The following ACSM5 variants were observed in gnomAD, a reference collection of about 807,000 sequenced individuals.
ACSM5 encodes the protein acyl-coenzyme A synthetase ACSM5, mitochondrial.
ACSM5 carries 56 observed loss-of-function variants against 71.6 expected under a neutral mutation model. The observed-to-expected ratio is 0.78, with a 90% CI of 0.63 to 0.98. The LOEUF is 0.98. Ranked by LOEUF, ACSM5 falls within the 50% of genes least tolerant of loss-of-function variation. The probability of loss-of-function intolerance (pLI) is 0.00; values close to 1 mark genes in which losing one functional copy is unlikely to be tolerated. For missense variants in ACSM5, 723 were observed against 726.0 expected, an observed-to-expected ratio of 1.00 and a Z score of 0.05; for synonymous variants, 285 against 281.5, an observed-to-expected ratio of 1.01 and a Z score of -0.12.
At position 20,425,919 on chromosome 16, in the gene ACSM5, G is replaced by T. The variant is rs139410711; in HGVS notation, c.921+1850G>T. ...GTATGTGCAAGTATCTTTTTCATATGACTTCTTTTCTTCTGGATAGATGCC... is the reference window on the plus strand; with the variant it reads ...GTATGTGCAAGTATCTTTTTCATATTACTTCTTTTCTTCTGGATAGATGCC... On this transcript the variant is annotated intron_variant, in intron 6 of 13. Coordinates refer to ENST00000331849, the MANE Select transcript of ACSM5 (RefSeq NM_017888.3). 5.1e-3 allele frequency among the ~76,000 whole-genome samples: 782 copies of T among 152,198 alleles called. 10 individuals are homozygous for T. Among genetic ancestry groups the T allele is most frequent in the African/African-American group, 0.017 (696 of 41,518 alleles).
chr16:20,411,356 G>A (rs1966847256), intron 1 of ACSM5, 114 bp from the exon 2 acceptor site: 1 of 797,096 alleles, frequency 1.3e-6, no homozygotes, highest in East Asian at 2.7e-5. Flanking sequence ...TATTCTACAA[G>A]TCAGTAAGGA....
chr16:20,412,211 G>A (rs1966849167), intron 2 of ACSM5: 1 of 158,086 alleles, frequency 6.3e-6, no homozygotes, highest in Admixed American at 6.1e-5. Context: ...AAATTACCCA[G>A]GCATGGTGGC....
chr16:20,419,517 C>A, intron 4 of ACSM5, 82 bp downstream of exon 4: 1 of 1,366,800 alleles, frequency 7.3e-7, no homozygotes. Context: ...ATTGCTGATT[C>A]CACACATAGA....
intron 5 of ACSM5, among the ~76,000 whole-genome samples, chr16:20,421,642 T>C (rs779976198): frequency 0.045 from 6,422 of 141,350 alleles, 291 homozygotes; most frequent in South Asian, 0.06. Flanking sequence ...TATATATATA[T>C]ATATATATAT....
intron 10 of ACSM5, among the ~76,000 whole-genome samples, chr16:20,434,185 T>G (rs1420627426): frequency 6.6e-6 from 1 of 152,222 alleles, no homozygotes; most frequent in Non-Finnish European, 1.5e-5. Flanking sequence ...ATAAAATCAT[T>G]TTCAACTTTA....
chr16:20,424,733 C>T (rs1966944326), intron 6 of ACSM5, among the ~76,000 whole-genome samples: 1 of 152,212 alleles, frequency 6.6e-6, no homozygotes, highest in Non-Finnish European at 1.5e-5. Flanking sequence ...GCTTAATCTC[C>T]TGAGCTGCAG....
intron 5 of ACSM5, among the ~76,000 whole-genome samples, chr16:20,421,662 C>T (rs1966885800): frequency 7.1e-6 from 1 of 140,588 alleles, no homozygotes; most frequent in Non-Finnish European, 1.5e-5. Flanking sequence ...TATATACACA[C>T]ACACATATAT....
chr16:20,413,816 C>T (rs1271554192), intron 2 of ACSM5, among the ~76,000 whole-genome samples: 1 of 152,112 alleles, frequency 6.6e-6, no homozygotes, highest in East Asian at 1.9e-4. Flanking sequence ...AATTGCCTGG[C>T]TGAGTGCTAA....
In ACSM5 at chr16:20,421,382, G is replaced by A. The variant is rs1320687156; in HGVS notation, c.748G>A (p.Gly250Ser). ...GCACTCCCAGAGCAGCTACGGACTGGGTTTTGTGGCCAGCGGAAGGTACCA... is the reference window on the plus strand; with the variant it reads ...GCACTCCCAGAGCAGCTACGGACTGAGTTTTGTGGCCAGCGGAAGGTACCA... ...VEHSQSSYGL[G>S]FVASGRRWVA... The change falls in exon 5 of 14, where the codon GGT (glycine) becomes AGT (serine). Residue 250 changes from glycine (G) to serine (S), a missense_variant. By Grantham distance (56) the Gly-to-Ser change is moderately conservative. Coordinates refer to ENST00000331849, the MANE Select transcript of ACSM5 (RefSeq NM_017888.3). 1 of 1,598,556 alleles carries A rather than the reference G, an allele frequency of 6.3e-7. No homozygotes were observed. Among genetic ancestry groups the A allele is most frequent in the African/African-American group, 1.3e-5 (1 of 74,416 alleles).
intron 3 of ACSM5, among the ~76,000 whole-genome samples, chr16:20,418,548 G>A (rs1433428315): frequency 2.0e-5 from 3 of 152,208 alleles, no homozygotes; most frequent in East Asian, 1.9e-4. Context: ...TTCTCAACTC[G>A]AACCAAATGT....
At chr16:20,432,525 C>T (rs1200186941) in intron 10 of ACSM5, among the ~76,000 whole-genome samples, 1 of 152,156 alleles carries the variant, frequency 6.6e-6, no homozygotes, top group Non-Finnish European at 1.5e-5. Context: ...TCATGCCAAG[C>T]TGAGATCATG....
chr16:20,439,884 A>T lies in ACSM5; in HGVS notation c.1621A>T (p.Lys541Ter). 6.2e-7 allele frequency: 1 copy of T among 1,612,332 alleles called. No individual in the cohort carries two copies. Among genetic ancestry groups the T allele is most frequent in the Middle Eastern group, 1.7e-4 (1 of 6,008 alleles). ...ALTRELQEHV[K>*]RVTAPYKYPR... ...AACGCGGGAACTCCAGGAGCATGTG[A>T]AAAGGGTGACTGCTCCATACAAATA... is the stretch of plus-strand genomic sequence containing the variant. Residue 541 changes from lysine (K) to a stop codon, truncating the protein, a stop_gained, in exon 13 of 14, where the codon AAA becomes TAA. Coordinates refer to ENST00000331849, the MANE Select transcript of ACSM5 (RefSeq NM_017888.3). LOFTEE classifies it high-confidence loss of function.
chr16:20,419,038 A>G (rs1228385806), intron 3 of ACSM5, among the ~76,000 whole-genome samples, 190 bp from the exon 4 acceptor site: 3 of 152,186 alleles, frequency 2.0e-5, no homozygotes, highest in Non-Finnish European at 4.4e-5. Context: ...GCCTCCACTG[A>G]TGCTGAGTGA....
intron 2 of ACSM5, among the ~76,000 whole-genome samples, chr16:20,412,646 A>G (rs1966849922): frequency 6.6e-6 from 1 of 152,248 alleles, no homozygotes; most frequent in Non-Finnish European, 1.5e-5. Flanking sequence ...TTAACCAATG[A>G]GAAAAGCCTT....
chr16:20,423,766 C>A, intron 5 of ACSM5, 150 bp from the exon 6 acceptor site: 2 of 894,486 alleles, frequency 2.2e-6, no homozygotes, highest in Non-Finnish European at 3.4e-6. Flanking sequence ...CTGGTTGAGA[C>A]AATAGTTGAC....
At chr16:20,414,070 T>G (rs1262901711) in intron 2 of ACSM5, among the ~76,000 whole-genome samples, 1 of 152,142 alleles carries the variant, frequency 6.6e-6, no homozygotes, top group Non-Finnish European at 1.5e-5. Flanking sequence ...TGGATCTGAT[T>G]TCCTGAGTAA....
At chr16:20,433,755 C>A (rs1012263934) in intron 10 of ACSM5, among the ~76,000 whole-genome samples, 1 of 151,948 alleles carries the variant, frequency 6.6e-6, no homozygotes, top group African/African-American at 2.4e-5. Context: ...GCCACTGCAG[C>A]TTTGACTTCC....
chr16:20,435,753 A>T (rs770498448), intron 10 of ACSM5, among the ~76,000 whole-genome samples: 1 of 152,162 alleles, frequency 6.6e-6, no homozygotes, highest in African/African-American at 2.4e-5. Flanking sequence ...TTTACTCAGT[A>T]TGATGTTTCT....
At chr16:20,411,996 T>C (rs1417037274) in intron 2 of ACSM5, 1 of 371,034 alleles carries the variant, frequency 2.7e-6, no homozygotes, top group African/African-American at 2.1e-5. Flanking sequence ...AAGTTTTGTT[T>C]TGCTGCTACT....
Sources: gnomAD v4.1 joint callset for allele counts (sites outside exome capture counted in the v4.1 genomes callset) on GRCh38, gnomAD v4.1.1 for gene constraint, MANE v1.5 for transcripts, NCBI Gene and HGNC (gene_info 2026-07-23, HGNC 2026-07-21) for gene names.